MED27: variants seen among roughly 807,000 people sequenced by gnomAD.
The protein encoded by MED27 is mediator of RNA polymerase II transcription subunit 27.
A neutral mutation model predicts 38.2 loss-of-function variants in MED27; 30 were observed. The observed-to-expected ratio is 0.79, with a 90% CI of 0.59 to 1.07. The LOEUF (loss-of-function observed/expected upper bound fraction) is 1.07. MED27 is among the 50% of genes least tolerant of loss of function. The pLI is 0.00. For missense variants in MED27, 289 were observed against 397.5 expected (o/e 0.73, Z 2.32); for synonymous variants, 122 against 153.5 (o/e 0.79, Z 1.52).
At chr9:131,903,632 C>T (rs1196450664) in intron 4 of MED27, among the ~76,000 whole-genome samples, 2 of 152,234 alleles carry the variant, frequency 1.3e-5, no homozygotes, top group Non-Finnish European at 2.9e-5. Flanking sequence ...TCTCTAAGGA[C>T]TGCACAGCTG....
At position 131,872,989 on chromosome 9, in the gene MED27, G is replaced by A. The variant is rs1241993939; in HGVS notation, c.724-9849C>T. ...AGTAGCAGGCAGCAAAGCCAAACGTGTGCTAGGCACAGGTGCCCAGGCAGT... is the reference window on the plus strand; with the variant it reads ...AGTAGCAGGCAGCAAAGCCAAACGTATGCTAGGCACAGGTGCCCAGGCAGT... On this transcript the variant is annotated intron_variant, in intron 6 of 7. Coordinates refer to ENST00000292035, the MANE Select transcript of MED27 (RefSeq NM_004269.4). This position sits in a 1 kb window ranked among gnomAD's most constrained non-coding sequence, Gnocchi z 5.6. Among the ~76,000 whole-genome samples the A allele has an allele frequency of 2.6e-5, 4 of 152,250 alleles. 1 individual carries two copies. Among genetic ancestry groups the A allele is most frequent in the Admixed American group, 2.0e-4 (3 of 15,290 alleles).
intron 4 of MED27, 29 bp from the exon 5 acceptor site, chr9:131,894,021 G>A (rs764188231): frequency 1.3e-6 from 2 of 1,573,182 alleles, no homozygotes; most frequent in African/African-American, 2.7e-5. Context: ...GCTGACACTT[G>A]AACACGCAAA....
chr9:132,064,882 G>A lies in MED27; in HGVS notation c.348+12560C>T, dbSNP rs200251409. ...TGAGGCATTTAAGGCCACTGGTTAA[G>A]GAAAAAATAAAACTAGAAAAGACAA... On this transcript the variant is annotated intron_variant, in intron 2 of 7. Transcript: ENST00000292035. 5.9e-5 allele frequency among the ~76,000 whole-genome samples: 9 copies of A among 152,248 alleles called. No individual in the cohort carries two copies. The South Asian group carries it at 1.2e-3, about 21-fold the overall frequency.
chr9:132,036,565 TAAG>T (rs1469650683), intron 2 of MED27, among the ~76,000 whole-genome samples: 1 of 152,208 alleles, frequency 6.6e-6, no homozygotes, highest in East Asian at 1.9e-4. Flanking sequence ...CGCTGCTTCT[TAAG>T]AAGAGCTGAG....
intron 3 of MED27, among the ~76,000 whole-genome samples, chr9:132,010,997 GT>G (rs1832475348): frequency 6.6e-6 from 1 of 152,040 alleles, no homozygotes; most frequent in South Asian, 2.1e-4. Context: ...AAACCTGCAG[GT>G]TGTGCACATG....
At chr9:131,970,906 G>A (rs1333348107) in intron 3 of MED27, among the ~76,000 whole-genome samples, 5 of 152,196 alleles carry the variant, frequency 3.3e-5, no homozygotes, top group African/African-American at 9.6e-5. Flanking sequence ...GACAAGTAGG[G>A]AAATACGAAT....
chr9:131,866,066 G>A (rs1283588819), intron 6 of MED27, among the ~76,000 whole-genome samples: 1 of 152,270 alleles, frequency 6.6e-6, no homozygotes, highest in African/African-American at 2.4e-5. Context: ...TGTGGCCTTT[G>A]GAGTTTAGAG....
intron 4 of MED27, among the ~76,000 whole-genome samples, chr9:131,909,892 A>G (rs1364171014): frequency 1.3e-5 from 2 of 152,230 alleles, no homozygotes; most frequent in Non-Finnish European, 2.9e-5. Context: ...ATTAAACTGT[A>G]GTTTGTTTGA....
At chr9:131,921,124 T>C (rs1389193009) in intron 4 of MED27, among the ~76,000 whole-genome samples, 1 of 152,172 alleles carries the variant, frequency 6.6e-6, no homozygotes, top group Non-Finnish European at 1.5e-5. Flanking sequence ...CAAATGTTAA[T>C]TTCTTATTCT....
chr9:131,881,800 C>CTTCTTTTTTT (rs1159629751), intron 6 of MED27, among the ~76,000 whole-genome samples: 1 of 60,974 alleles, frequency 1.6e-5, no homozygotes, highest in African/African-American at 5.9e-5. Context: ...TCTTCTTCTT[C>CTTCTTTTTTT]TTTTTTTTTT....
chr9:132,066,689 A>G (rs189420427), intron 2 of MED27, among the ~76,000 whole-genome samples: 1 of 152,328 alleles, frequency 6.6e-6, no homozygotes, highest in Admixed American at 6.5e-5. Context: ...AAGGAAATGC[A>G]GAGAGCAAGT....
intron 2 of MED27, among the ~76,000 whole-genome samples, chr9:132,039,208 C>T (rs566032420): frequency 6.6e-6 from 1 of 152,234 alleles, no homozygotes. Flanking sequence ...AGAGATTTGC[C>T]GTACAGTTTA....
At chr9:131,986,443 A>G in intron 3 of MED27, among the ~76,000 whole-genome samples, 1 of 152,092 alleles carries the variant, frequency 6.6e-6, no homozygotes. Context: ...TCAGCCTCCC[A>G]AGTACTGGGA....
At chr9:132,077,618 T>G (rs911446003) in intron 1 of MED27, 32 bp from the exon 2 acceptor site, 7 of 1,612,818 alleles carry the variant, frequency 4.3e-6, no homozygotes, top group Middle Eastern at 1.7e-4. Flanking sequence ...CAAATAAACC[T>G]AAGCCCATTT....
intron 3 of MED27, among the ~76,000 whole-genome samples, chr9:131,942,344 C>T (rs977627476): frequency 9.9e-5 from 15 of 152,128 alleles, no homozygotes; most frequent in African/African-American, 3.6e-4. Context: ...GGTGAAGGCA[C>T]ATGACAAAAA....
chr9:132,019,698 G>A (rs146353669), intron 2 of MED27, among the ~76,000 whole-genome samples: 10 of 152,340 alleles, frequency 6.6e-5, no homozygotes, highest in East Asian at 1.9e-4. Context: ...GCAGGAGGAC[G>A]GTGGGCCATA....
chr9:132,068,177 A>G (rs934399284), intron 2 of MED27, among the ~76,000 whole-genome samples: 2 of 152,122 alleles, frequency 1.3e-5, no homozygotes, highest in Non-Finnish European at 2.9e-5. Context: ...CAGGTCATGT[A>G]CAGAGACTCC....
At chr9:131,969,137 C>T (rs111883303) in intron 3 of MED27, among the ~76,000 whole-genome samples, 4,375 of 152,114 alleles carry the variant, frequency 0.029, 209 homozygotes, top group African/African-American at 0.1. Context: ...GCACAATGAA[C>T]GTAACGTGCT....
At chr9:132,065,635 T>C (rs897703665) in intron 2 of MED27, among the ~76,000 whole-genome samples, 3 of 152,210 alleles carry the variant, frequency 2.0e-5, no homozygotes, top group Non-Finnish European at 2.9e-5. Context: ...CACTCCCGAA[T>C]CTGAGAGGCC....
Sources: allele counts gnomAD v4.1 joint callset (sites outside exome capture counted in the v4.1 genomes callset), GRCh38; gene constraint gnomAD v4.1.1; non-coding constraint Gnocchi (gnomAD v3.1); transcripts MANE v1.5; gene names NCBI Gene and HGNC (gene_info 2026-07-23, HGNC 2026-07-21).